Variants in SULT6B1 observed in about 807,000 individuals in gnomAD.
SULT6B1 encodes sulfotransferase family 6B member 1.
SULT6B1 carries 44 observed loss-of-function variants against 37.2 expected under a neutral mutation model. The observed-to-expected ratio is 1.18, with a 90% CI of 0.93 to 1.52. The LOEUF (loss-of-function observed/expected upper bound fraction) is 1.52. Among genes scored for constraint, SULT6B1 ranks in the 40% most tolerant of loss-of-function variants. The pLI is 0.00. For missense variants in SULT6B1, 450 were observed against 361.0 expected, an observed-to-expected ratio of 1.25 and a Z score of -2.00; for synonymous variants, 140 against 126.0, an observed-to-expected ratio of 1.11 and a Z score of -0.74.
intron 6 of SULT6B1, among the ~76,000 whole-genome samples, chr2:37,170,688 A>G (rs187853406): frequency 9.4e-4 from 140 of 149,022 alleles, no homozygotes; most frequent in African/African-American, 3.4e-3. Flanking sequence ...CAGTGAGCCA[A>G]GATTGTGCCA....
chr2:37,193,437 G>T (rs138749933), upstream of SULT6B1, among the ~76,000 whole-genome samples: 1 of 151,962 alleles, frequency 6.6e-6, no homozygotes, highest in South Asian at 2.1e-4. Context: ...ACTCCAGCCC[G>T]GGTGACAGAG....
intron 6 of SULT6B1, 120 bp downstream of exon 6, chr2:37,171,314 C>G: frequency 8.0e-7 from 1 of 1,246,948 alleles, no homozygotes; most frequent in Non-Finnish European, 1.1e-6. Context: ...GTCCAGACCT[C>G]TTACTGAGGC....
upstream of SULT6B1, among the ~76,000 whole-genome samples, chr2:37,193,634 A>AAGAAGG (rs1676831428): frequency 6.7e-6 from 1 of 149,930 alleles, no homozygotes; most frequent in Non-Finnish European, 1.5e-5. Context: ...GAAGAAGAAG[A>AAGAAGG]AGAAGAAGAA....
At chr2:37,173,565 T>C (rs1197233723) in intron 5 of SULT6B1, among the ~76,000 whole-genome samples, 1 of 152,140 alleles carries the variant, frequency 6.6e-6, no homozygotes, top group Non-Finnish European at 1.5e-5. Context: ...ACCAAACCTC[T>C]GATCTCCCCG....
chr2:37,177,123 A>G (rs1676447338), intron 4 of SULT6B1, among the ~76,000 whole-genome samples: 3 of 151,650 alleles, frequency 2.0e-5, no homozygotes, highest in Admixed American at 2.0e-4. Context: ...TATTCCCTAA[A>G]ATGCATTGTC....
At chr2:37,179,253 T>C (rs1008186032) in intron 4 of SULT6B1, among the ~76,000 whole-genome samples, 1 of 152,178 alleles carries the variant, frequency 6.6e-6, no homozygotes, top group Non-Finnish European at 1.5e-5. Context: ...CCACCACACC[T>C]GGCCCCAAAT....
intron 2 of SULT6B1, among the ~76,000 whole-genome samples, chr2:37,185,457 C>T (rs1321460960): frequency 6.6e-6 from 1 of 152,082 alleles, no homozygotes; most frequent in Non-Finnish European, 1.5e-5. Context: ...TGGCTCATGC[C>T]TGTAATCCCA....
Position 37,175,189 on chromosome 2 carries a change from C to A in SULT6B1, c.567G>T (p.Trp189Cys). Residue 189 changes from tryptophan to cysteine, a missense_variant, in exon 5 of 7, where the codon TGG becomes TGT. Trp to Cys is a radical substitution (Grantham distance 215, BLOSUM62 -2). Coordinates refer to ENST00000535679, the MANE Select transcript of SULT6B1 (RefSeq NM_001367551.1). Reference sequence around the variant, plus strand: ...CATTGTCGCCATCAAGATGTTTGTTCCAATTGATTGCAAAATCAAAATACC... The same window carrying A: ...CATTGTCGCCATCAAGATGTTTGTTACAATTGATTGCAAAATCAAAATACC... ...WGRYFDFAIN[W>C]NKHLDGDNVK... 6.3e-7 allele frequency: 1 copy of A among 1,587,666 alleles called. No homozygotes were observed. Among genetic ancestry groups the A allele is most frequent in the South Asian group, 1.2e-5 (1 of 86,606 alleles).
At chr2:37,179,678 A>G in intron 3 of SULT6B1, 94 bp from the exon 4 acceptor site, 3 of 1,103,592 alleles carry the variant, frequency 2.7e-6, no homozygotes. Flanking sequence ...CCACTCGTAT[A>G]TTACATAATT....
At chr2:37,172,048 G>T (rs891304265) in intron 5 of SULT6B1, among the ~76,000 whole-genome samples, 4 of 104,162 alleles carry the variant, frequency 3.8e-5, no homozygotes, top group East Asian at 8.6e-4. Flanking sequence ...AAAACTTGAA[G>T]AATTTTTTTT....
At chr2:37,170,788 A>C (rs992956016) in intron 6 of SULT6B1, among the ~76,000 whole-genome samples, 3 of 149,112 alleles carry the variant, frequency 2.0e-5, no homozygotes, top group Non-Finnish European at 3.0e-5. Context: ...CAGGAAAGTT[A>C]TTTAAAGGGG....
upstream of SULT6B1, among the ~76,000 whole-genome samples, chr2:37,191,739 A>G (rs1474333319): frequency 6.6e-6 from 1 of 152,224 alleles, no homozygotes; most frequent in African/African-American, 2.4e-5. Context: ...GGGTACGAAA[A>G]AAACTGTAAT....
At chr2:37,178,901 T>C (rs1055885879) in intron 4 of SULT6B1, among the ~76,000 whole-genome samples, 1 of 152,228 alleles carries the variant, frequency 6.6e-6, no homozygotes, top group South Asian at 2.1e-4. Flanking sequence ...CCCATGTCTT[T>C]TCTATGGCCA....
At chr2:37,172,923 G>A (rs1475278931) in intron 5 of SULT6B1, among the ~76,000 whole-genome samples, 2 of 151,810 alleles carry the variant, frequency 1.3e-5, no homozygotes, top group Non-Finnish European at 2.9e-5. Flanking sequence ...CACAATATCA[G>A]CTCACTGCAA....
In SULT6B1 at chr2:37,167,901, G is replaced by T; in HGVS notation, c.*34C>A. The stretch of plus-strand genomic sequence containing the variant: ...TTATTTACACTTAATTATTATTAAG[G>T]AAAATAAATCTAGGCCTGCTGAATT... On this transcript the variant is annotated 3_prime_UTR_variant, in exon 7 of 7. Transcript: ENST00000535679. 1.3e-6 allele frequency: 2 copies of T among 1,513,470 alleles called. No individual in the cohort carries two copies. The highest frequency in any genetic ancestry group is 1.4e-5 in the African/African-American group (1 of 69,688). 93.8% of individuals were successfully genotyped at this position (1,513,470 alleles called of 1,614,324 possible).
intron 2 of SULT6B1, among the ~76,000 whole-genome samples, chr2:37,186,293 T>C (rs1676672205): frequency 6.6e-6 from 1 of 152,152 alleles, no homozygotes; most frequent in South Asian, 2.1e-4. Context: ...CAGCCTTCCC[T>C]TCCCCGCTGC....
chr2:37,184,099 C>T (rs1287675077), intron 2 of SULT6B1, among the ~76,000 whole-genome samples: 1 of 152,208 alleles, frequency 6.6e-6, no homozygotes, highest in Non-Finnish European at 1.5e-5. Context: ...CCTTTTCCCA[C>T]AATCATATCA....
intron 2 of SULT6B1, among the ~76,000 whole-genome samples, chr2:37,183,922 G>T (rs1423946041): frequency 6.6e-6 from 1 of 152,162 alleles, no homozygotes; most frequent in Non-Finnish European, 1.5e-5. Context: ...GCGATTACAG[G>T]CGTGAGCCAC....
rs10711713 is a variant in SULT6B1, at chr2:37,195,826, A to AT, written c.-22+689dup. On this transcript the variant is annotated intron_variant, in intron 1 of 7. Transcript: ENST00000407963. ...GCAGTTTCAGATTCAGTAGTTCTGC[A>AT]TTTTTTTTTTTTTGAGACAAAGTCT... 1.3e-3 allele frequency among the ~76,000 whole-genome samples: 186 copies of AT among 146,586 alleles called. 1 individual carries two copies. Among genetic ancestry groups the AT allele is most frequent in the Admixed American group, 4.4e-3 (66 of 14,840 alleles).
Sources: allele counts gnomAD v4.1 joint callset (sites outside exome capture counted in the v4.1 genomes callset), GRCh38; gene constraint gnomAD v4.1.1; transcripts MANE v1.5; gene names NCBI Gene and HGNC (gene_info 2026-07-23, HGNC 2026-07-21).